Variants in PEX19 observed in about 807,000 individuals in gnomAD.
The protein encoded by PEX19 is 33 kDa housekeeping protein.
Under a neutral mutation model 36.3 loss-of-function variants are expected in PEX19, and 29 were observed. That is an observed-to-expected ratio of 0.80 (90% CI 0.60 to 1.09). The LOEUF is 1.09. Ranked by LOEUF, PEX19 falls within the 50% of genes least tolerant of loss-of-function variation. PEX19 has a pLI of 0.00. For missense variants in PEX19, 396 were observed against 368.1 expected (o/e 1.08, Z -0.62); for synonymous variants, 141 against 135.2 (o/e 1.04, Z -0.30).
intron 3 of PEX19, 144 bp from the exon 4 acceptor site, chr1:160,282,646 T>C (rs765088094): frequency 5.4e-6 from 4 of 742,920 alleles, no homozygotes; most frequent in Non-Finnish European, 9.6e-6. Context: ...ATCTTCATAG[T>C]CTTTTCATAA....
intron 2 of PEX19, 29 bp from the exon 3 acceptor site, chr1:160,283,138 C>G: frequency 6.2e-7 from 1 of 1,611,636 alleles, no homozygotes; most frequent in Non-Finnish European, 8.5e-7. Context: ...TGAAATGCGT[C>G]TCTTACTTAG....
At position 160,278,065 on chromosome 1, in the gene PEX19, T is replaced by C; in HGVS notation, c.*1486A>G. ...AAAGCGACTCATAATGCATGTGAAT[T>C]TGCTTTGGAGAGACTTATCTTCTGA... On this transcript the variant is annotated 3_prime_UTR_variant, in exon 8 of 8. Transcript: ENST00000368072. 1.4e-6 allele frequency: 1 copy of C among 702,402 alleles called. No homozygotes were observed. The highest frequency in any genetic ancestry group is 2.6e-6 in the Non-Finnish European group (1 of 384,892). The allele number at this position is 702,402 out of a possible 1,614,324, so 43.5% of individuals were successfully genotyped here.
intron 5 of PEX19, 131 bp from the exon 6 acceptor site, chr1:160,280,377 T>C (rs984231282): frequency 1.0e-5 from 9 of 862,186 alleles, no homozygotes; most frequent in Non-Finnish European, 1.7e-5. Flanking sequence ...AGTAAGTTCA[T>C]CATGAAAAGC....
In PEX19 at chr1:160,280,190, T is replaced by G. The variant is rs749320010; in HGVS notation, c.651A>C (p.Lys217Asn). 2 of 1,613,946 alleles carry G rather than the reference T, an allele frequency of 1.2e-6. No individual in the cohort carries two copies. Among genetic ancestry groups the G allele is most frequent in the Non-Finnish European group, 1.7e-6 (2 of 1,179,912 alleles). ...ACATGACGCTGTGCTGCTCCTGATATTTTTCAAACTGCTCTGGAGGTAGAG... is the reference window on the plus strand; with the variant it reads ...ACATGACGCTGTGCTGCTCCTGATAGTTTTCAAACTGCTCTGGAGGTAGAG... ...RESLPPEQFEKYQEQHSVMCK... is the reference protein window; with the variant it reads ...RESLPPEQFENYQEQHSVMCK... The change falls in exon 6 of 8, where the codon AAA becomes AAC. Residue 217 changes from lysine to asparagine, a missense_variant. By Grantham distance (94) the Lys-to-Asn change is moderately conservative. Coordinates refer to ENST00000368072, the MANE Select transcript of PEX19 (RefSeq NM_002857.4).
rs1657633076 is a variant in PEX19 at position 160,278,614 on chromosome 1, A to G, written c.*937T>C. ...GGATTCTAAGAGAATCATGTATCTC[A>G]AATAAGCCAGAATGTATCTGGGGAA... On this transcript the variant is annotated 3_prime_UTR_variant, in exon 8 of 8. Transcript: ENST00000368072. The G allele has an allele frequency of 2.2e-6, 1 of 455,176 alleles. No homozygotes were observed. Among genetic ancestry groups the G allele is most frequent in the East Asian group, 6.9e-5 (1 of 14,450 alleles). 28.2% of individuals were successfully genotyped at this position (455,176 alleles called of 1,614,324 possible). A position where few individuals can be genotyped will look rare whatever the true frequency, so the allele number is the denominator to read the frequency against.
rs1290435122 is a variant in PEX19, at chr1:160,282,214, G to A, written c.433-14C>T. ...CATGCTGGAGTTCTAGATAGGACAA[G>A]TAAGAGGTGAGCAGGTATACTACCT... is the stretch of plus-strand genomic sequence containing the variant. On this transcript the variant is annotated splice_polypyrimidine_tract_variant and intron_variant, in intron 4 of 7. Transcript: ENST00000368072. 2 of 1,613,906 alleles carry A rather than the reference G, an allele frequency of 1.2e-6. No homozygotes were observed. Among genetic ancestry groups the A allele is most frequent in the African/African-American group, 1.3e-5 (1 of 75,044 alleles).
rs1332064626 is a variant in PEX19 at position 160,278,073 on chromosome 1, G to A, written c.*1478C>T. The A allele has an allele frequency of 1.4e-6, 1 of 702,446 alleles. No homozygotes were observed. Among genetic ancestry groups the A allele is most frequent in the South Asian group, 1.5e-5 (1 of 67,590 alleles). The allele number at this position is 702,446 out of a possible 1,614,324, so 43.5% of individuals were successfully genotyped here. On this transcript the variant is annotated 3_prime_UTR_variant, in exon 8 of 8. Transcript: ENST00000368072. ...TCATAATGCATGTGAATTTGCTTTG[G>A]AGAGACTTATCTTCTGAGTGAACCA...
chr1:160,278,668 A>C lies in PEX19; in HGVS notation c.*883T>G, dbSNP rs750961844. 11 of 454,190 alleles carry C rather than the reference A, an allele frequency of 2.4e-5. No individual in the cohort carries two copies. Among genetic ancestry groups the C allele is most frequent in the South Asian group, 1.7e-4 (11 of 64,470 alleles). The allele number at this position is 454,190 out of a possible 1,614,324, so 28.1% of individuals were successfully genotyped here. On this transcript the variant is annotated 3_prime_UTR_variant, in exon 8 of 8. Coordinates refer to ENST00000368072, the MANE Select transcript of PEX19 (RefSeq NM_002857.4). ...TAGCCATTAATTTCCTAGACCTGAC[A>C]CTGGGTTTATTTGTGTCTGCCAGGA...
intron 1 of PEX19, 137 bp downstream of exon 1, chr1:160,284,918 C>T (rs1032138784): frequency 5.3e-6 from 4 of 757,506 alleles, no homozygotes; most frequent in Non-Finnish European, 9.3e-6. Context: ...TTGGGGGGCT[C>T]GGGGGTCAGA....
chr1:160,283,239 ACTACTGCTC>A, intron 2 of PEX19, 130 bp from the exon 3 acceptor site: 1 of 1,016,184 alleles, frequency 9.8e-7, no homozygotes, highest in South Asian at 1.3e-5. Context: ...GGACATTCTA[ACTACTGCTC>A]CTAATGAGGA....
chr1:160,278,795 T>G lies in PEX19; in HGVS notation c.*756A>C. 1 of 453,784 alleles carries G rather than the reference T, an allele frequency of 2.2e-6. No individual in the cohort carries two copies. Among genetic ancestry groups the G allele is most frequent in the South Asian group, 1.6e-5 (1 of 64,462 alleles). 28.1% of individuals were successfully genotyped at this position (453,784 alleles called of 1,614,324 possible). ...GCTCAAAAAGGTTGGGATAAACAGGTGTTTAAAAAAGAGAGGAGGTAAAAG... is the reference window on the plus strand; with the variant it reads ...GCTCAAAAAGGTTGGGATAAACAGGGGTTTAAAAAAGAGAGGAGGTAAAAG... On this transcript the variant is annotated 3_prime_UTR_variant, in exon 8 of 8. Coordinates refer to ENST00000368072, the MANE Select transcript of PEX19 (RefSeq NM_002857.4).
rs1477695006 is a variant in PEX19, at chr1:160,278,294, T to C, written c.*1257A>G. The C allele has an allele frequency of 8.6e-6, 6 of 696,086 alleles. No individual in the cohort carries two copies. The highest frequency in any genetic ancestry group is 2.0e-5 in the Admixed American group (1 of 49,898). 43.1% of individuals were successfully genotyped at this position (696,086 alleles called of 1,614,324 possible). On this transcript the variant is annotated 3_prime_UTR_variant, in exon 8 of 8. Coordinates refer to ENST00000368072, the MANE Select transcript of PEX19 (RefSeq NM_002857.4). The stretch of plus-strand genomic sequence containing the variant: ...ATACCACTTGAAGGGCTTTCTACAT[T>C]GAAATACTCAAGGGAACATGAGGAA...
At chr1:160,284,263 T>A in intron 1 of PEX19, 2 of 439,450 alleles carry the variant, frequency 4.6e-6, no homozygotes. Context: ...CACTTGGCAC[T>A]CCTCAGGGTT....
intron 7 of PEX19, 79 bp from the exon 8 acceptor site, chr1:160,279,713 T>C: frequency 6.5e-7 from 1 of 1,540,794 alleles, no homozygotes; most frequent in Non-Finnish European, 9.0e-7. Context: ...GTAGCCACAA[T>C]TTTCACCTTA....
At chr1:160,284,005 C>T (rs532797627) in intron 1 of PEX19, 2 of 454,580 alleles carry the variant, frequency 4.4e-6, no homozygotes, top group East Asian at 6.8e-5. Context: ...GTAGAGAACA[C>T]AGATGTCCTC....
chr1:160,277,256 A>C lies in PEX19; in HGVS notation c.*2295T>G. The C allele has an allele frequency of 2.2e-6, 1 of 456,036 alleles. No homozygotes were observed. Among genetic ancestry groups the C allele is most frequent in the Non-Finnish European group, 4.4e-6 (1 of 226,800 alleles). 28.2% of individuals were successfully genotyped at this position (456,036 alleles called of 1,614,324 possible). ...TGAATTAGAAATTGAGAGTGTTTAA[A>C]AACTTTTTAGCATTTCAATGTTGCT... On this transcript the variant is annotated 3_prime_UTR_variant, in exon 8 of 8. Coordinates refer to ENST00000368072, the MANE Select transcript of PEX19 (RefSeq NM_002857.4).
In PEX19 at chr1:160,283,036, G is replaced by T. The variant is rs11550119; in HGVS notation, c.254C>A (p.Ala85Glu). The T allele has an allele frequency of 6.2e-7, 1 of 1,614,012 alleles. No individual in the cohort carries two copies. The highest frequency in any genetic ancestry group is 1.7e-5 in the Admixed American group (1 of 59,994). The change falls in exon 3 of 8, where the codon GCG (alanine) becomes GAG (glutamate). Residue 85 changes from alanine to glutamate, a missense_variant. Coordinates refer to ENST00000368072, the MANE Select transcript of PEX19 (RefSeq NM_002857.4). ...CTCCTTCATTGCCTTCTCGAACTCCGCAGTGGCTTGGGAAGCCAGTTCACT... is the reference window on the plus strand; with the variant it reads ...CTCCTTCATTGCCTTCTCGAACTCCTCAGTGGCTTGGGAAGCCAGTTCACT... ...FDSELASQAT[A>E]EFEKAMKELA...
intron 5 of PEX19, 119 bp downstream of exon 5, chr1:160,281,920 A>G: frequency 1.2e-6 from 1 of 842,878 alleles, no homozygotes; most frequent in Non-Finnish European, 2.0e-6. Flanking sequence ...AAATAAATAA[A>G]GAAGGAAAAA....
rs1278786039 is a variant in PEX19 at position 160,278,353 on chromosome 1, T to A, written c.*1198A>T. ...ATCCAGTCTCCTTTGCCAACTGAGG[T>A]GCAGACTGAGTTGTGGAAGGTGGGT... On this transcript the variant is annotated 3_prime_UTR_variant, in exon 8 of 8. Transcript: ENST00000368072. 1 of 686,702 alleles carries A rather than the reference T, an allele frequency of 1.5e-6. No individual in the cohort carries two copies. The allele number at this position is 686,702 out of a possible 1,614,324, so 42.5% of individuals were successfully genotyped here.
Sources: allele counts gnomAD v4.1 joint callset, GRCh38; gene constraint gnomAD v4.1.1; transcripts MANE v1.5; gene names NCBI Gene and HGNC (gene_info 2026-07-23, HGNC 2026-07-21).